MAK: variants seen among roughly 807,000 people sequenced by gnomAD.
MAK encodes male germ cell associated kinase.
A neutral mutation model predicts 82.6 loss-of-function variants in MAK; 65 were observed. The ratio of observed to expected loss-of-function variants is 0.79; its 90% CI spans 0.64 to 0.97. The LOEUF (loss-of-function observed/expected upper bound fraction) is 0.97. Among genes scored for constraint, MAK ranks in the 50% least tolerant of loss-of-function variants. The pLI, the probability that MAK is intolerant of heterozygous loss-of-function variation, is 0.00. For synonymous variants in MAK, 250 were observed against 274.2 expected, an observed-to-expected ratio of 0.91 and a Z score of 0.87; for missense variants, 703 against 780.2, an observed-to-expected ratio of 0.90 and a Z score of 1.18.
At chr6:10,779,527 C>T (rs1316728552) in intron 11 of MAK, 2 of 976,314 alleles carry the variant, frequency 2.0e-6, no homozygotes, top group Non-Finnish European at 2.4e-6. Context: ...TTCTAGAGCT[C>T]CCAGAATCCT....
At chr6:10,828,253 AT>A (rs1778528066) in intron 2 of MAK, among the ~76,000 whole-genome samples, 2 of 152,314 alleles carry the variant, frequency 1.3e-5, no homozygotes, top group South Asian at 4.1e-4. Flanking sequence ...TGATGTGGTA[AT>A]GTGGAGATGC....
In MAK at chr6:10,830,695, T is replaced by C. The variant is rs1206679738; in HGVS notation, c.-47A>G. On this transcript the variant is annotated 5_prime_UTR_variant, in exon 2 of 15. Transcript: ENST00000354489. ...AAGTTGTTGATTGAAATGACTTCCT[T>C]GTTGAATATAAATTTGAACGCTTCT... is the stretch of plus-strand genomic sequence containing the variant. 2.1e-6 allele frequency: 3 copies of C among 1,405,736 alleles called. No homozygotes were observed. Among genetic ancestry groups the C allele is most frequent in the African/African-American group, 1.4e-5 (1 of 70,880 alleles). The allele number at this position is 1,405,736 out of a possible 1,614,324, so 87.1% of individuals were successfully genotyped here.
chr6:10,768,718 C>A (rs1486983924), intron 14 of MAK, among the ~76,000 whole-genome samples: 1 of 152,138 alleles, frequency 6.6e-6, no homozygotes, highest in Non-Finnish European at 1.5e-5. Context: ...TGAAGCAATT[C>A]TTTTCACAGA....
At chr6:10,798,079 T>C (rs930254828) in intron 8 of MAK, 2 of 460,816 alleles carry the variant, frequency 4.3e-6, no homozygotes, top group African/African-American at 4.3e-5. Context: ...GGATGTGTTT[T>C]GTAATTTCAA....
chr6:10,830,714 C>G lies in MAK; in HGVS notation c.-66G>C. On this transcript the variant is annotated 5_prime_UTR_variant, in exon 2 of 15. Transcript: ENST00000354489. ...CTTCCTTGTTGAATATAAATTTGAA[C>G]GCTTCTTAATTTTTATTTGCTTTTG... 1 of 1,269,236 alleles carries G rather than the reference C, an allele frequency of 7.9e-7. No homozygotes were observed. Among genetic ancestry groups the G allele is most frequent in the Middle Eastern group, 1.8e-4 (1 of 5,412 alleles). 78.6% of individuals were successfully genotyped at this position (1,269,236 alleles called of 1,614,324 possible).
At chr6:10,777,381 A>T (rs1773551257) in intron 11 of MAK, among the ~76,000 whole-genome samples, 1 of 151,046 alleles carries the variant, frequency 6.6e-6, no homozygotes, top group African/African-American at 2.4e-5. Context: ...CACTGCATCC[A>T]GCCTGGTCTA....
intron 1 of MAK, among the ~76,000 whole-genome samples, chr6:10,833,955 C>A (rs913816725): frequency 6.6e-6 from 1 of 152,162 alleles, no homozygotes; most frequent in Non-Finnish European, 1.5e-5. Context: ...TCTCTCTGCA[C>A]GGTTCCTAAT....
At chr6:10,787,209 C>T (rs1774639070) in intron 10 of MAK, among the ~76,000 whole-genome samples, 2 of 152,274 alleles carry the variant, frequency 1.3e-5, no homozygotes, top group South Asian at 4.1e-4. Flanking sequence ...CTCCTGTTCA[C>T]CACTCCGCTA....
intron 2 of MAK, among the ~76,000 whole-genome samples, chr6:10,822,783 C>G (rs1379046510): frequency 6.6e-6 from 1 of 152,150 alleles, no homozygotes; most frequent in Admixed American, 6.5e-5. Context: ...AAATCAACTT[C>G]AGAAATAGAA....
At chr6:10,815,255 G>C (rs1777376603) in intron 4 of MAK, among the ~76,000 whole-genome samples, 1 of 152,214 alleles carries the variant, frequency 6.6e-6, no homozygotes, top group South Asian at 2.1e-4. Context: ...GACACAGCAA[G>C]ACTATGCCTC....
intron 4 of MAK, among the ~76,000 whole-genome samples, chr6:10,817,385 T>C (rs1269083512): frequency 6.6e-6 from 1 of 152,144 alleles, no homozygotes; most frequent in African/African-American, 2.4e-5. Context: ...TTCCTTGGGA[T>C]TGGTAACACA....
chr6:10,797,744 T>A, intron 8 of MAK: 1 of 1,204,516 alleles, frequency 8.3e-7, no homozygotes, highest in Non-Finnish European at 1.0e-6. Context: ...AACAGTTAAC[T>A]CCTCCCATGT....
intron 11 of MAK, among the ~76,000 whole-genome samples, chr6:10,782,202 T>TCACACACA (rs746386493): frequency 8.3e-4 from 121 of 146,148 alleles, no homozygotes; most frequent in African/African-American, 1.4e-3. Context: ...TGAAACTCTG[T>TCACACACA]CACACACACA....
rs574990351 is a variant in MAK at position 10,788,287 on chromosome 6, C to T, written c.1316+3388G>A. ...GTTTATAAGTATAAGCCACCATGAA[C>T]AGCCACAACCTTGATCTTAACTATA... On this transcript the variant is annotated intron_variant, in intron 10 of 14. Transcript: ENST00000354489. 1.6e-4 allele frequency among the ~76,000 whole-genome samples: 24 copies of T among 152,180 alleles called. No individual in the cohort carries two copies. The East Asian group carries it at 4.6e-3, about 29-fold the overall frequency.
intron 10 of MAK, among the ~76,000 whole-genome samples, chr6:10,785,983 G>A (rs1001407189): frequency 4.1e-4 from 63 of 152,114 alleles, no homozygotes; most frequent in African/African-American, 1.2e-3. Flanking sequence ...AGTGGCTCAC[G>A]CCTGTAATTC....
At chr6:10,783,712 G>A (rs2127531112) in intron 11 of MAK, among the ~76,000 whole-genome samples, 1 of 152,290 alleles carries the variant, frequency 6.6e-6, no homozygotes, top group Admixed American at 6.5e-5. Flanking sequence ...CGAGCAGGCA[G>A]AATCTTTTAA....
intron 12 of MAK, among the ~76,000 whole-genome samples, chr6:10,775,079 A>G (rs552783701): frequency 6.6e-6 from 1 of 152,268 alleles, no homozygotes; most frequent in South Asian, 2.1e-4. Flanking sequence ...CCGCCTCCCA[A>G]AGTGCTGGGA....
At chr6:10,824,855 C>T (rs903969387) in intron 2 of MAK, among the ~76,000 whole-genome samples, 1 of 152,148 alleles carries the variant, frequency 6.6e-6, no homozygotes, top group Non-Finnish European at 1.5e-5. Flanking sequence ...TCACCGTGGC[C>T]GCCAGTTATG....
intron 14 of MAK, among the ~76,000 whole-genome samples, chr6:10,769,107 A>C (rs1772744444): frequency 6.6e-6 from 1 of 152,112 alleles, no homozygotes; most frequent in African/African-American, 2.4e-5. Context: ...CCATCTACTC[A>C]GAAGGCGGAG....
Sources: gnomAD v4.1 joint callset for allele counts (sites outside exome capture counted in the v4.1 genomes callset) on GRCh38, gnomAD v4.1.1 for gene constraint, MANE v1.5 for transcripts, NCBI Gene and HGNC (gene_info 2026-07-23, HGNC 2026-07-21) for gene names.